Variants in PCDHGA10 observed in about 807,000 individuals in gnomAD.
PCDHGA10 encodes protocadherin gamma subfamily A, 10.
A neutral mutation model predicts 59.5 loss-of-function variants in PCDHGA10; 42 were observed. The ratio of observed to expected loss-of-function variants is 0.71; its 90% CI spans 0.55 to 0.91. The LOEUF is 0.91. PCDHGA10 is among the 40% of genes least tolerant of loss of function. The pLI, the probability that PCDHGA10 is intolerant of heterozygous loss-of-function variation, is 0.00. For missense variants in PCDHGA10, 1,111 were observed against 1,198.2 expected (o/e 0.93, Z 1.07); for synonymous variants, 511 against 517.2 (o/e 0.99, Z 0.16).
At chr5:141,468,836 A>G (rs1286137807) in intron 1 of PCDHGA10, among the ~76,000 whole-genome samples, 1 of 152,170 alleles carries the variant, frequency 6.6e-6, no homozygotes, top group East Asian at 1.9e-4. Flanking sequence ...ACTGCACTCC[A>G]GCCTGGGCAA....
intron 1 of PCDHGA10, among the ~76,000 whole-genome samples, chr5:141,451,826 A>G (rs2098725686): frequency 6.6e-6 from 1 of 151,720 alleles, no homozygotes; most frequent in Non-Finnish European, 1.5e-5. Context: ...GGTTACAGTG[A>G]GCCGAGATCA....
In PCDHGA10 at chr5:141,477,428, T is replaced by C; in HGVS notation, c.2437-17379T>C. On this transcript the variant is annotated intron_variant, in intron 1 of 3. Transcript: ENST00000398610. The surrounding 1 kb of genome is among the most constrained non-coding windows in gnomAD (Gnocchi z 4.9). ...CCGAGACGCCGGAACCCCTTCCCTC[T>C]CAGCCCTTACAATAGTGCGTGTTCA... The C allele has an allele frequency of 6.2e-7, 1 of 1,614,142 alleles. No individual in the cohort carries two copies. Among genetic ancestry groups the C allele is most frequent in the Non-Finnish European group, 8.5e-7 (1 of 1,180,036 alleles).
At position 141,422,526 on chromosome 5, in the gene PCDHGA10, G is replaced by A. The variant is rs956066609; in HGVS notation, c.2436+6915G>A. 9 of 1,613,866 alleles carry A rather than the reference G, an allele frequency of 5.6e-6. No homozygotes were observed. In the African/African-American group the frequency reaches 1.1e-4, roughly 19 times the overall value. The stretch of plus-strand genomic sequence containing the variant: ...CCACAGACCAGGGAAGCCCGCCTTT[G>A]TCTGCAGAAACTCATGTCTGGCTGA... On this transcript the variant is annotated intron_variant, in intron 1 of 3. Coordinates refer to ENST00000398610, the MANE Select transcript of PCDHGA10 (RefSeq NM_018913.3).
In PCDHGA10 at chr5:141,431,771, C is replaced by G. The variant is rs1175712662; in HGVS notation, c.2436+16160C>G. 1.2e-6 allele frequency: 2 copies of G among 1,614,214 alleles called. No homozygotes were observed. Among genetic ancestry groups the G allele is most frequent in the Non-Finnish European group, 8.5e-7 (1 of 1,180,034 alleles). The stretch of plus-strand genomic sequence containing the variant: ...GCGAGCCAAAGTCCTGATCACTGTT[C>G]TGGACGTGAACGACAATGCCCCAGA... On this transcript the variant is annotated intron_variant, in intron 1 of 3. Coordinates refer to ENST00000398610, the MANE Select transcript of PCDHGA10 (RefSeq NM_018913.3). The surrounding 1 kb of genome is among the most constrained non-coding windows in gnomAD (Gnocchi z 4.8).
chr5:141,486,030 C>A lies in PCDHGA10; in HGVS notation c.2437-8777C>A. The A allele has an allele frequency of 6.2e-7, 1 of 1,614,164 alleles. No homozygotes were observed. The highest frequency in any genetic ancestry group is 8.5e-7 in the Non-Finnish European group (1 of 1,180,012). ...ACCTTTTATTTCAGTGGTCATACCC[C>A]TGATCGTGTAAGAAACCTCTTTAGC... On this transcript the variant is annotated intron_variant, in intron 1 of 3. Coordinates refer to ENST00000398610, the MANE Select transcript of PCDHGA10 (RefSeq NM_018913.3). The surrounding 1 kb of genome is among the most constrained non-coding windows in gnomAD (Gnocchi z 5.0).
intron 1 of PCDHGA10, chr5:141,478,068 A>G (rs560968418): frequency 3.7e-6 from 6 of 1,614,134 alleles, no homozygotes; most frequent in East Asian, 4.5e-5. Flanking sequence ...ATCAAAGACA[A>G]TGGGGAGCCT....
At position 141,487,780 on chromosome 5, in the gene PCDHGA10, C is replaced by T. The variant is rs1423149; in HGVS notation, c.2437-7027C>T. On this transcript the variant is annotated intron_variant, in intron 1 of 3. Transcript: ENST00000398610. The surrounding 1 kb of genome is among the most constrained non-coding windows in gnomAD (Gnocchi z 5.0). ...TAGACGCTGTGCTTTGTAACTGTTT[C>T]GTGAATTAACCAGAGTTGTCACAGT... 0.06 allele frequency: 91,434 copies of T among 1,526,176 alleles called. 5,728 individuals carry two copies. Among genetic ancestry groups the T allele is most frequent in the African/African-American group, 0.33 (23,789 of 72,466 alleles). The allele number at this position is 1,526,176 out of a possible 1,614,324, so 94.5% of individuals were successfully genotyped here. A position where few individuals can be genotyped will look rare whatever the true frequency, so the allele number is the denominator to read the frequency against.
chr5:141,439,680 A>T (rs1478261632), intron 1 of PCDHGA10, among the ~76,000 whole-genome samples: 1 of 152,236 alleles, frequency 6.6e-6, no homozygotes, highest in African/African-American at 2.4e-5. Context: ...ATCCAAGAGC[A>T]GACCCACAAC....
intron 3 of PCDHGA10, among the ~76,000 whole-genome samples, chr5:141,507,809 C>T (rs866898784): frequency 2.0e-5 from 3 of 152,206 alleles, no homozygotes; most frequent in Non-Finnish European, 2.9e-5. Flanking sequence ...CCCTGGGGAA[C>T]GGACCCTGGG....
At position 141,487,855 on chromosome 5, in the gene PCDHGA10, A is replaced by G. The variant is rs1033833406; in HGVS notation, c.2437-6952A>G. The G allele has an allele frequency of 2.1e-6, 2 of 974,092 alleles. No homozygotes were observed. Among genetic ancestry groups the G allele is most frequent in the Non-Finnish European group, 3.0e-6 (2 of 668,870 alleles). The allele number at this position is 974,092 out of a possible 1,614,324, so 60.3% of individuals were successfully genotyped here. Reference sequence around the variant, plus strand: ...TATATCTGAGTAAGAAATGAAAGTAATTGGTGATCAAGAGCCAGGCTGTTG... The same window carrying G: ...TATATCTGAGTAAGAAATGAAAGTAGTTGGTGATCAAGAGCCAGGCTGTTG... On this transcript the variant is annotated intron_variant, in intron 1 of 3. Transcript: ENST00000398610. The surrounding 1 kb of genome is among the most constrained non-coding windows in gnomAD (Gnocchi z 5.0).
In PCDHGA10 at chr5:141,491,835, G is replaced by C; in HGVS notation, c.2437-2972G>C. On this transcript the variant is annotated intron_variant, in intron 1 of 3. Coordinates refer to ENST00000398610, the MANE Select transcript of PCDHGA10 (RefSeq NM_018913.3). The surrounding 1 kb of genome is among the most constrained non-coding windows in gnomAD (Gnocchi z 6.9). The stretch of plus-strand genomic sequence containing the variant: ...GCTGGCTGCGCTCCACCCGATTCTC[G>C]GGATCATTGGACCGTTTGCGCGAAA... 1 of 1,473,258 alleles carries C rather than the reference G, an allele frequency of 6.8e-7. No individual in the cohort carries two copies. The highest frequency in any genetic ancestry group is 9.0e-7 in the Non-Finnish European group (1 of 1,112,098). The allele number at this position is 1,473,258 out of a possible 1,614,324, so 91.3% of individuals were successfully genotyped here.
chr5:141,416,378 A>C (rs2096019434), intron 1 of PCDHGA10: 1 of 152,230 alleles, frequency 6.6e-6, no homozygotes, highest in South Asian at 2.1e-4. Flanking sequence ...GAAATTAAGA[A>C]TATTTGGGAT....
At position 141,485,331 on chromosome 5, in the gene PCDHGA10, T is replaced by G; in HGVS notation, c.2437-9476T>G. 6.2e-7 allele frequency: 1 copy of G among 1,614,166 alleles called. No individual in the cohort carries two copies. Among genetic ancestry groups the G allele is most frequent in the Admixed American group, 1.7e-5 (1 of 60,022 alleles). Reference sequence around the variant, plus strand: ...GTAGGGAATGTCGCTCAAGATTTCCTGCTGGATACGGACAGTCTGTCAGCT... The same window carrying G: ...GTAGGGAATGTCGCTCAAGATTTCCGGCTGGATACGGACAGTCTGTCAGCT... On this transcript the variant is annotated intron_variant, in intron 1 of 3. Coordinates refer to ENST00000398610, the MANE Select transcript of PCDHGA10 (RefSeq NM_018913.3). The surrounding 1 kb of genome is among the most constrained non-coding windows in gnomAD (Gnocchi z 5.7).
At chr5:141,446,035 A>G (rs1300621298) in intron 1 of PCDHGA10, among the ~76,000 whole-genome samples, 1 of 152,222 alleles carries the variant, frequency 6.6e-6, no homozygotes, top group Non-Finnish European at 1.5e-5. Context: ...CTGGTAAGAA[A>G]TGGAAGAAGA....
intron 1 of PCDHGA10, chr5:141,416,991 T>A (rs1052950610): frequency 2.0e-5 from 3 of 151,906 alleles, no homozygotes; most frequent in Non-Finnish European, 4.4e-5. Context: ...TTATTGTGCA[T>A]TCATCTCAAA....
intron 1 of PCDHGA10, among the ~76,000 whole-genome samples, chr5:141,447,233 G>A (rs565398752): frequency 2.6e-5 from 4 of 152,028 alleles, no homozygotes; most frequent in Non-Finnish European, 4.4e-5. Flanking sequence ...TCCGCCTCCC[G>A]GGTTCAAGTG....
intron 1 of PCDHGA10, chr5:141,424,091 G>A: frequency 1.1e-6 from 1 of 879,778 alleles, no homozygotes; most frequent in Non-Finnish European, 1.4e-6. Context: ...ACCATTATTT[G>A]CTATTACTGC....
intron 2 of PCDHGA10, among the ~76,000 whole-genome samples, chr5:141,498,309 G>A (rs2099783046): frequency 6.6e-6 from 1 of 151,844 alleles, no homozygotes; most frequent in Non-Finnish European, 1.5e-5. Flanking sequence ...GGGTCACACT[G>A]CCTACACAGA....
intron 2 of PCDHGA10, among the ~76,000 whole-genome samples, chr5:141,501,365 A>G (rs1360125423): frequency 1.3e-5 from 2 of 151,500 alleles, no homozygotes; most frequent in Admixed American, 6.6e-5. Flanking sequence ...AACCATATTC[A>G]TCATCTCTTA....
Sources: allele counts gnomAD v4.1 joint callset (sites outside exome capture counted in the v4.1 genomes callset), GRCh38; gene constraint gnomAD v4.1.1; non-coding constraint Gnocchi (gnomAD v3.1); transcripts MANE v1.5; gene names NCBI Gene and HGNC (gene_info 2026-07-23, HGNC 2026-07-21).